TFB1M: variants seen among roughly 807,000 people sequenced by gnomAD.
The protein encoded by TFB1M is transcription factor B1, mitochondrial, also known as dimethyladenosine transferase 1, mitochondrial.
TFB1M carries 27 observed loss-of-function variants against 31.1 expected under a neutral mutation model. That is an observed-to-expected ratio of 0.87 (90% confidence interval 0.64 to 1.20). The LOEUF is 1.20. Ranked by LOEUF, TFB1M falls within the 50% of genes most tolerant of loss-of-function variation. TFB1M has a pLI of 0.00. For missense variants in TFB1M, 394 were observed against 418.7 expected (o/e 0.94, Z 0.51); for synonymous variants, 166 against 151.8 (o/e 1.09, Z -0.69).
the TFB1M span, among the ~76,000 whole-genome samples, chr6:155,234,911 G>C: frequency 9.9e-5 from 15 of 152,250 alleles, no homozygotes; most frequent in African/African-American, 3.6e-4. Context: ...GAACTAGATT[G>C]CTTTGCCTGT....
At chr6:155,295,162 G>A (rs888850542) in intron 4 of TFB1M, among the ~76,000 whole-genome samples, 5 of 151,990 alleles carry the variant, frequency 3.3e-5, no homozygotes, top group African/African-American at 1.2e-4. Flanking sequence ...GTCAGGAGAT[G>A]GAGACCATCC....
chr6:155,314,073 G>C, intron 1 of TFB1M: 1 of 1,432,988 alleles, frequency 7.0e-7, no homozygotes, highest in South Asian at 1.4e-5. Context: ...CTGCCGGCAG[G>C]CTACACCCCC....
chr6:155,290,250 G>A (rs944948298), intron 4 of TFB1M, among the ~76,000 whole-genome samples: 16 of 152,078 alleles, frequency 1.1e-4, no homozygotes, highest in Admixed American at 8.5e-4. Flanking sequence ...GCCAGGCGTG[G>A]TGGTGGGCGC....
chr6:155,241,889 CT>C, the TFB1M span, among the ~76,000 whole-genome samples: 1 of 152,214 alleles, frequency 6.6e-6, no homozygotes, highest in African/African-American at 2.4e-5. Flanking sequence ...CTTCAGAGCC[CT>C]TCTGACATCT....
At chr6:155,255,414 T>A (rs60658462), downstream of TFB1M, 2 of 152,166 alleles carry the variant, frequency 1.3e-5, no homozygotes, top group African/African-American at 4.8e-5. Flanking sequence ...ATTTTGTTAT[T>A]ATCTTTCTTG....
intron 5 of TFB1M, among the ~76,000 whole-genome samples, chr6:155,268,343 C>T (rs1784756686): frequency 6.6e-6 from 1 of 152,148 alleles, no homozygotes; most frequent in African/African-American, 2.4e-5. Context: ...TGTCAGCCAC[C>T]AAAGTGTTTC....
intron 2 of TFB1M, among the ~76,000 whole-genome samples, chr6:155,307,845 A>C (rs1401651656): frequency 1.3e-5 from 2 of 151,836 alleles, no homozygotes; most frequent in African/African-American, 4.8e-5. Flanking sequence ...AAGTTTAAGA[A>C]TTTGTGTTGG....
chr6:155,274,577 A>G (rs1421311095), intron 5 of TFB1M, among the ~76,000 whole-genome samples: 1 of 152,238 alleles, frequency 6.6e-6, no homozygotes, highest in Non-Finnish European at 1.5e-5. Context: ...TCTGGTCCCA[A>G]TTAGAAAGGA....
chr6:155,290,444 C>G (rs1276360006), intron 4 of TFB1M, among the ~76,000 whole-genome samples: 1 of 149,060 alleles, frequency 6.7e-6, no homozygotes, highest in East Asian at 2.0e-4. Flanking sequence ...TATATATATT[C>G]TCCCACTGAA....
At chr6:155,264,885 A>C (rs553459513) in intron 5 of TFB1M, among the ~76,000 whole-genome samples, 2 of 152,340 alleles carry the variant, frequency 1.3e-5, no homozygotes, top group East Asian at 3.9e-4. Flanking sequence ...AAGATGAGTC[A>C]GTGTCTCTTG....
chr6:155,305,606 T>A (rs12661538), intron 2 of TFB1M, among the ~76,000 whole-genome samples: 132 of 11,526 alleles, frequency 0.011, 1 homozygote, highest in East Asian at 0.062. Context: ...TATATAAATA[T>A]ATATATATTA....
chr6:155,244,872 C>A, the TFB1M span: 35 of 1,435,170 alleles, frequency 2.4e-5, no homozygotes, highest in Non-Finnish European at 3.1e-5. Flanking sequence ...GAAAGAATTT[C>A]TTGTCCTGTG....
Position 155,256,601 on chromosome 6 carries a change from G to T in TFB1M, c.*1235C>A. 1 of 1,614,168 alleles carries T rather than the reference G, an allele frequency of 6.2e-7. No homozygotes were observed. The highest frequency in any genetic ancestry group is 8.5e-7 in the Non-Finnish European group (1 of 1,180,026). On this transcript the variant is annotated 3_prime_UTR_variant, in exon 7 of 7. Transcript: ENST00000367166. ...GGCAGCTTGAGCAGCGGCACCCAGA[G>T]CAGCGGCTGCCCCACGGCTGAGGGC...
At chr6:155,238,095 A>G in the TFB1M span, among the ~76,000 whole-genome samples, 3 of 152,214 alleles carry the variant, frequency 2.0e-5, no homozygotes, top group Admixed American at 1.3e-4. Context: ...CACATCTTGA[A>G]TGCTTTGCTG....
the TFB1M span, chr6:155,243,938 T>C: frequency 8.1e-7 from 1 of 1,231,334 alleles, no homozygotes; most frequent in South Asian, 1.2e-5. Context: ...TGCTGCCAGG[T>C]TGCTGCTACC....
intron 5 of TFB1M, among the ~76,000 whole-genome samples, chr6:155,273,317 T>C (rs775536078): frequency 2.0e-5 from 3 of 152,230 alleles, no homozygotes; most frequent in Non-Finnish European, 2.9e-5. Flanking sequence ...GAAATCCTTT[T>C]CTAAAATGGT....
At chr6:155,238,679 A>G in the TFB1M span, among the ~76,000 whole-genome samples, 3 of 152,368 alleles carry the variant, frequency 2.0e-5, no homozygotes, top group South Asian at 6.2e-4. Flanking sequence ...GCCTTCCTGG[A>G]CAACCGATTC....
intron 2 of TFB1M, among the ~76,000 whole-genome samples, chr6:155,302,302 T>C (rs1446909271): frequency 6.6e-6 from 1 of 152,170 alleles, no homozygotes; most frequent in Non-Finnish European, 1.5e-5. Context: ...TTGAAATAAA[T>C]ATTTGTAACA....
intron 5 of TFB1M, chr6:155,276,397 A>G (rs1230214184): frequency 6.3e-7 from 1 of 1,587,590 alleles, no homozygotes; most frequent in Non-Finnish European, 8.6e-7. Flanking sequence ...AGTAATGCAT[A>G]TGAAATGGAA....
Sources: allele counts gnomAD v4.1 joint callset (sites outside exome capture counted in the v4.1 genomes callset), GRCh38; gene constraint gnomAD v4.1.1; transcripts MANE v1.5; gene names NCBI Gene and HGNC (gene_info 2026-07-23, HGNC 2026-07-21).